CYP2C19: variants seen among roughly 807,000 people sequenced by gnomAD.
CYP2C19 encodes the protein cytochrome P450 2C19.
In CYP2C19, 59 loss-of-function variants were observed where a neutral mutation model predicts 40.9. The ratio of observed to expected loss-of-function variants is 1.44; its 90% confidence interval spans 1.17 to 1.79. The LOEUF (loss-of-function observed/expected upper bound fraction) is 1.79. CYP2C19 is among the 40% of genes most tolerant of loss of function. CYP2C19 has a pLI of 0.00. For missense variants in CYP2C19, 754 were observed against 596.9 expected (o/e 1.26, Z -2.74); for synonymous variants, 253 against 208.7 (o/e 1.21, Z -1.83).
chr10:94,788,966 A>G (rs1013936901), intron 5 of CYP2C19, among the ~76,000 whole-genome samples: 1 of 152,162 alleles, frequency 6.6e-6, no homozygotes, highest in African/African-American at 2.4e-5. Flanking sequence ...TCCCACAAAC[A>G]GTGTAAAAAT....
intron 5 of CYP2C19, among the ~76,000 whole-genome samples, chr10:94,802,238 G>A (rs542514402): frequency 6.6e-6 from 1 of 152,218 alleles, no homozygotes; most frequent in South Asian, 2.1e-4. Context: ...AGCGCTGATT[G>A]GTGCATTTTA....
At chr10:94,817,325 G>A (rs1443038383) in intron 5 of CYP2C19, among the ~76,000 whole-genome samples, 8 of 150,938 alleles carry the variant, frequency 5.3e-5, no homozygotes, top group South Asian at 2.1e-4. Flanking sequence ...TTCTCTGATG[G>A]CCAGTGATGA....
chr10:94,796,914 T>G (rs113036428), intron 5 of CYP2C19, among the ~76,000 whole-genome samples: 1 of 152,030 alleles, frequency 6.6e-6, no homozygotes, highest in East Asian at 1.9e-4. Context: ...GGTTTTCTAG[T>G]TACACAATCA....
intron 6 of CYP2C19, 98 bp downstream of exon 6, chr10:94,820,735 A>G (rs1448494452): frequency 1.3e-6 from 2 of 1,493,952 alleles, no homozygotes; most frequent in Non-Finnish European, 1.8e-6. Context: ...AAGTTCCATT[A>G]TTTAAATTTC....
At chr10:94,842,058 C>G (rs1348842558) in intron 6 of CYP2C19, among the ~76,000 whole-genome samples, 1 of 152,184 alleles carries the variant, frequency 6.6e-6, no homozygotes, top group African/African-American at 2.4e-5. Context: ...GATTTTCTAT[C>G]TGGATGACCT....
rs749613282 is a variant in CYP2C19 at position 94,775,182 on chromosome 10, G to A, written c.293G>A (p.Gly98Asp). 1.9e-6 allele frequency: 3 copies of A among 1,613,988 alleles called. No homozygotes were observed. The East Asian group carries it at 6.7e-5, about 36-fold the overall frequency. ...IDLGEEFSGR[G>D]HFPLAERANR... ...CTTGGAGAGGAGTTTTCTGGAAGAG[G>A]CCATTTCCCACTGGCTGAAAGAGCT... Residue 98 changes from glycine (G) to aspartate (D), a missense_variant, in exon 2 of 9, where the codon GGC becomes GAC. Gly to Asp is a moderately conservative substitution (Grantham distance 94, BLOSUM62 -1). Transcript: ENST00000371321.
At chr10:94,764,673 T>A (rs2134228686) in intron 1 of CYP2C19, among the ~76,000 whole-genome samples, 1 of 152,202 alleles carries the variant, frequency 6.6e-6, no homozygotes, top group Middle Eastern at 3.4e-3. Flanking sequence ...AAAGGGCCAG[T>A]GGGTCAGTCC....
At chr10:94,788,791 A>C (rs974623837) in intron 5 of CYP2C19, among the ~76,000 whole-genome samples, 1 of 152,180 alleles carries the variant, frequency 6.6e-6, no homozygotes, top group Non-Finnish European at 1.5e-5. Context: ...TGTTGTGAGC[A>C]GTGCTGCAAT....
At chr10:94,843,852 G>A (rs536616914) in intron 7 of CYP2C19, among the ~76,000 whole-genome samples, 3 of 152,176 alleles carry the variant, frequency 2.0e-5, no homozygotes, top group Admixed American at 6.5e-5. Flanking sequence ...TAATCTGCAG[G>A]AAGCAGTGGA....
chr10:94,816,409 T>A (rs1849002887), intron 5 of CYP2C19, among the ~76,000 whole-genome samples: 2 of 152,130 alleles, frequency 1.3e-5, no homozygotes, highest in South Asian at 4.1e-4. Flanking sequence ...TGAGTGCTAA[T>A]TAGAGAGCTG....
intron 6 of CYP2C19, 135 bp from the exon 7 acceptor site, chr10:94,842,702 A>G (rs1310572893): frequency 1.0e-6 from 1 of 999,682 alleles, no homozygotes; most frequent in African/African-American, 1.6e-5. Flanking sequence ...TTTAAGTTAC[A>G]CATACTTCCA....
chr10:94,853,079 A>G lies in CYP2C19; in HGVS notation c.*165A>G. ...CTCCATTAAAAAAGTTTCACTGTGC[A>G]AATATATCTGCTATTCCCCATACTC... On this transcript the variant is annotated 3_prime_UTR_variant, in exon 9 of 9. Coordinates refer to ENST00000371321, the MANE Select transcript of CYP2C19 (RefSeq NM_000769.4). 1 of 680,800 alleles carries G rather than the reference A, an allele frequency of 1.5e-6. No individual in the cohort carries two copies. Among genetic ancestry groups the G allele is most frequent in the Non-Finnish European group, 2.5e-6 (1 of 408,126 alleles). The allele number at this position is 680,800 out of a possible 1,614,324, so 42.2% of individuals were successfully genotyped here. A position where few individuals can be genotyped will look rare whatever the true frequency, so the allele number is the denominator to read the frequency against.
At chr10:94,830,827 G>C (rs1849323012) in intron 6 of CYP2C19, among the ~76,000 whole-genome samples, 1 of 152,030 alleles carries the variant, frequency 6.6e-6, no homozygotes, top group South Asian at 2.1e-4. Flanking sequence ...GAGATGTTTT[G>C]ATACAGGCAT....
chr10:94,818,873 C>A (rs529947990), intron 5 of CYP2C19, among the ~76,000 whole-genome samples: 1 of 151,920 alleles, frequency 6.6e-6, no homozygotes, highest in Non-Finnish European at 1.5e-5. Flanking sequence ...CTAATTGAAT[C>A]CCCTTTATTT....
intron 5 of CYP2C19, among the ~76,000 whole-genome samples, chr10:94,783,735 AGT>A (rs991948563): frequency 2.0e-5 from 3 of 152,094 alleles, no homozygotes; most frequent in African/African-American, 7.2e-5. Context: ...TAAATCAAGG[AGT>A]GTGAGTCTTT....
At chr10:94,846,542 T>C (rs560870520) in intron 7 of CYP2C19, among the ~76,000 whole-genome samples, 56 of 152,228 alleles carry the variant, frequency 3.7e-4, no homozygotes, top group African/African-American at 1.3e-3. Context: ...GTTTCCAAAG[T>C]CACACATCCA....
At chr10:94,769,578 A>G (rs1441755325) in intron 1 of CYP2C19, among the ~76,000 whole-genome samples, 1 of 152,166 alleles carries the variant, frequency 6.6e-6, no homozygotes, top group East Asian at 1.9e-4. Flanking sequence ...AAGATCTTGC[A>G]CTAGTCTCCA....
chr10:94,851,789 T>C (rs1463834801), intron 8 of CYP2C19, among the ~76,000 whole-genome samples: 1 of 152,180 alleles, frequency 6.6e-6, no homozygotes, highest in East Asian at 1.9e-4. Flanking sequence ...CCCTCCTGAC[T>C]TATTCACTGC....
At chr10:94,823,003 G>A (rs1172319958) in intron 6 of CYP2C19, among the ~76,000 whole-genome samples, 1 of 151,838 alleles carries the variant, frequency 6.6e-6, no homozygotes, top group African/African-American at 2.4e-5. Flanking sequence ...AAGCTATGTA[G>A]AGTACAGGCA....
Sources: allele counts gnomAD v4.1 joint callset (sites outside exome capture counted in the v4.1 genomes callset), GRCh38; gene constraint gnomAD v4.1.1; transcripts MANE v1.5; gene names NCBI Gene and HGNC (gene_info 2026-07-23, HGNC 2026-07-21).